Variants in AKAIN1 observed in about 807,000 individuals in gnomAD.
AKAIN1 encodes the protein A-kinase anchor inhibitor 1.
Under a neutral mutation model 3.7 loss-of-function variants are expected in AKAIN1, and 3 were observed. The observed-to-expected ratio is 0.82, with a 90% CI of 0.37 to 2.12. The LOEUF is 2.12. Ranked by LOEUF, AKAIN1 falls within the 30% of genes most tolerant of loss-of-function variation. The pLI, the probability that AKAIN1 is intolerant of heterozygous loss-of-function variation, is 0.06. For missense variants in AKAIN1, 82 were observed against 82.7 expected (o/e 0.99, Z 0.03); for synonymous variants, 31 against 30.8 (o/e 1.01, Z -0.02).
At chr18:5,194,506 T>A (rs933292143) in intron 1 of AKAIN1, among the ~76,000 whole-genome samples, 2 of 152,208 alleles carry the variant, frequency 1.3e-5, no homozygotes, top group African/African-American at 4.8e-5. Flanking sequence ...TAATTCCCCC[T>A]CATTCCATTG....
intron 1 of AKAIN1, among the ~76,000 whole-genome samples, chr18:5,147,142 G>T (rs2071053925): frequency 6.6e-6 from 1 of 152,148 alleles, no homozygotes; most frequent in Admixed American, 6.6e-5. Context: ...TGGCCTGATA[G>T]TTATTACAAG....
upstream of AKAIN1, chr18:5,197,504 C>CAAAAAAA (rs10651301): frequency 4.6e-3 from 3,882 of 835,422 alleles, 87 homozygotes; most frequent in African/African-American, 0.034. The surrounding 1 kb of genome is among the most constrained non-coding windows in gnomAD (Gnocchi z 6.9). Context: ...ATAGATTTGT[C>CAAAAAAA]AAAAAAAAAA....
chr18:5,168,600 T>C (rs2071179905), intron 1 of AKAIN1, among the ~76,000 whole-genome samples: 1 of 152,080 alleles, frequency 6.6e-6, no homozygotes, highest in Non-Finnish European at 1.5e-5. Context: ...CCACTACAAA[T>C]TTTTTGTAAC....
chr18:5,161,903 A>G (rs1751469084), intron 1 of AKAIN1, among the ~76,000 whole-genome samples: 1 of 152,082 alleles, frequency 6.6e-6, no homozygotes. Context: ...TACTCTTTTC[A>G]TAGATTGCTG....
intron 1 of AKAIN1, among the ~76,000 whole-genome samples, chr18:5,149,252 G>A (rs1018806225): frequency 9.2e-5 from 14 of 152,148 alleles, no homozygotes; most frequent in African/African-American, 3.4e-4. Context: ...ATTAAGGTTG[G>A]GAGAAAAGCC....
At chr18:5,157,202 C>T (rs2071113181) in intron 1 of AKAIN1, among the ~76,000 whole-genome samples, 1 of 152,186 alleles carries the variant, frequency 6.6e-6, no homozygotes, top group South Asian at 2.1e-4. Context: ...GCGCTCCACA[C>T]CCTGGGCCAG....
intron 1 of AKAIN1, among the ~76,000 whole-genome samples, chr18:5,155,020 G>A (rs1254136154): frequency 6.6e-6 from 1 of 152,064 alleles, no homozygotes; most frequent in East Asian, 2.0e-4. Context: ...TAACCCTTAG[G>A]GAAGAAAGCC....
intron 1 of AKAIN1, among the ~76,000 whole-genome samples, chr18:5,187,575 A>G (rs1451549618): frequency 6.6e-6 from 1 of 152,166 alleles, no homozygotes; most frequent in Non-Finnish European, 1.5e-5. Flanking sequence ...CACTCCTGCA[A>G]TAACTAACCC....
At chr18:5,155,523 T>C (rs1005454081) in intron 1 of AKAIN1, among the ~76,000 whole-genome samples, 4 of 152,196 alleles carry the variant, frequency 2.6e-5, no homozygotes, top group African/African-American at 9.6e-5. Context: ...GCGGCTGCAC[T>C]GCCCAGACGG....
chr18:5,194,437 TAAG>T (rs2071337157), intron 1 of AKAIN1, among the ~76,000 whole-genome samples: 1 of 151,564 alleles, frequency 6.6e-6, no homozygotes, highest in Admixed American at 6.6e-5. Flanking sequence ...CAAAAAAATG[TAAG>T]AATATGTTAT....
At chr18:5,149,133 G>A (rs1349386765) in intron 1 of AKAIN1, among the ~76,000 whole-genome samples, 3 of 152,152 alleles carry the variant, frequency 2.0e-5, no homozygotes, top group African/African-American at 2.4e-5. Flanking sequence ...AACTAGATGC[G>A]TGTTAACTCT....
At chr18:5,193,474 T>A (rs1026395109) in intron 1 of AKAIN1, among the ~76,000 whole-genome samples, 1 of 152,160 alleles carries the variant, frequency 6.6e-6, no homozygotes, top group African/African-American at 2.4e-5. Context: ...ACTTTCCACC[T>A]CACACTCTGT....
intron 1 of AKAIN1, among the ~76,000 whole-genome samples, chr18:5,195,522 G>A (rs2071342732): frequency 6.6e-6 from 1 of 152,188 alleles, no homozygotes; most frequent in African/African-American, 2.4e-5. Context: ...TACCCCTGGA[G>A]CCAGTGAGAT....
chr18:5,155,362 T>C lies in AKAIN1; in HGVS notation c.17-9607A>G, dbSNP rs1049824182. On this transcript the variant is annotated intron_variant, in intron 1 of 1. Coordinates refer to ENST00000434239, the MANE Select transcript of AKAIN1 (RefSeq NM_001145194.2). ...TTGAAATCGGGACCCGGGAGAGGTA[T>C]GAATCTCAATTGCGCATGCGTAGGT... 2.0e-5 allele frequency among the ~76,000 whole-genome samples: 3 copies of C among 152,164 alleles called. No individual in the cohort carries two copies. In the East Asian group the frequency reaches 5.8e-4, roughly 29 times the overall value.
At position 5,144,349 on chromosome 18, in the gene AKAIN1, C is replaced by A. The variant is rs1296255736; in HGVS notation, c.*1213G>T. Among the ~76,000 whole-genome samples, 1 of 152,188 alleles carries A rather than the reference C, an allele frequency of 6.6e-6. No individual in the cohort carries two copies. The highest frequency in any genetic ancestry group is 2.4e-5 in the African/African-American group (1 of 41,428). ...GAAGGTTTTTAACCAAGGTCAAATT[C>A]TTCCTCTGTCCCCAATAGCACCAAT... On this transcript the variant is annotated 3_prime_UTR_variant, in exon 2 of 2. Coordinates refer to ENST00000434239, the MANE Select transcript of AKAIN1 (RefSeq NM_001145194.2).
intron 1 of AKAIN1, among the ~76,000 whole-genome samples, chr18:5,149,507 T>G (rs1256804830): frequency 6.6e-6 from 1 of 152,242 alleles, no homozygotes; most frequent in African/African-American, 2.4e-5. Flanking sequence ...CTCCAGTTAT[T>G]GTACCACCTA....
intron 1 of AKAIN1, among the ~76,000 whole-genome samples, chr18:5,149,780 C>T (rs7244081): frequency 0.069 from 10,458 of 152,248 alleles, 1,148 homozygotes; most frequent in African/African-American, 0.23. Context: ...GCCTAATAGA[C>T]TCACCATATA....
intron 1 of AKAIN1, among the ~76,000 whole-genome samples, chr18:5,150,193 A>C (rs979179787): frequency 6.6e-6 from 1 of 152,170 alleles, no homozygotes; most frequent in Non-Finnish European, 1.5e-5. Context: ...TGGCGTTCCT[A>C]TGGCATTCAC....
chr18:5,196,919 C>A, intron 1 of AKAIN1, 119 bp downstream of exon 1: 2 of 934,414 alleles, frequency 2.1e-6, no homozygotes, highest in South Asian at 2.9e-5. Flanking sequence ...TGAGCACAGA[C>A]AGTAACTCCG....
Sources: gnomAD v4.1 joint callset for allele counts (sites outside exome capture counted in the v4.1 genomes callset) on GRCh38, gnomAD v4.1.1 for gene constraint, Gnocchi (gnomAD v3.1) non-coding constraint, MANE v1.5 for transcripts, NCBI Gene and HGNC (gene_info 2026-07-23, HGNC 2026-07-21) for gene names.